The following COL25A1 variants were observed in gnomAD, a reference collection of about 807,000 sequenced individuals.
The protein encoded by COL25A1 is collagen type XXV alpha 1 chain, also known as collagen alpha-1(XXV) chain.
Under a neutral mutation model 128.4 loss-of-function variants are expected in COL25A1, and 103 were observed. The observed-to-expected ratio is 0.80, with a 90% CI of 0.68 to 0.94. The LOEUF is 0.94. Ranked by LOEUF, COL25A1 falls within the 40% of genes least tolerant of loss-of-function variation. The pLI is 0.00. For synonymous variants in COL25A1, 279 were observed against 277.2 expected, an observed-to-expected ratio of 1.01 and a Z score of -0.06; for missense variants, 745 against 840.0, an observed-to-expected ratio of 0.89 and a Z score of 1.40.
chr4:108,863,833 T>C (rs1469710541), intron 20 of COL25A1, among the ~76,000 whole-genome samples: 1 of 152,218 alleles, frequency 6.6e-6, no homozygotes, highest in Non-Finnish European at 1.5e-5. Flanking sequence ...CCAGGTTCTC[T>C]GGCCTTTGGA....
At chr4:108,886,108 A>C (rs533741192) in intron 18 of COL25A1, among the ~76,000 whole-genome samples, 1 of 151,822 alleles carries the variant, frequency 6.6e-6, no homozygotes, top group South Asian at 2.1e-4. Context: ...ATGTGTGTTA[A>C]GTAATAAATG....
intron 8 of COL25A1, among the ~76,000 whole-genome samples, chr4:108,951,871 G>A (rs1358225543): frequency 6.6e-6 from 1 of 152,150 alleles, no homozygotes; most frequent in African/African-American, 2.4e-5. Flanking sequence ...CCCTAAGGGT[G>A]TCAGACAATA....
intron 5 of COL25A1, among the ~76,000 whole-genome samples, chr4:109,042,274 T>A (rs918770303): frequency 6.6e-6 from 1 of 152,054 alleles, no homozygotes; most frequent in Non-Finnish European, 1.5e-5. Flanking sequence ...ACAGAAGACA[T>A]GAAAAGACAC....
intron 3 of COL25A1, among the ~76,000 whole-genome samples, chr4:109,289,682 C>A (rs566559037): frequency 6.6e-6 from 1 of 152,164 alleles, no homozygotes; most frequent in South Asian, 2.1e-4. Context: ...GGGTTCTATC[C>A]ATGCTAGAGA....
intron 3 of COL25A1, among the ~76,000 whole-genome samples, chr4:109,244,490 G>T (rs1780128614): frequency 6.6e-6 from 1 of 152,084 alleles, no homozygotes; most frequent in Non-Finnish European, 1.5e-5. Flanking sequence ...TGAATAAAAA[G>T]GAGTTGAAGC....
At chr4:109,268,105 T>G (rs551733562) in intron 3 of COL25A1, among the ~76,000 whole-genome samples, 45 of 152,308 alleles carry the variant, frequency 3.0e-4, no homozygotes, top group African/African-American at 1.0e-3. Flanking sequence ...TTTGAACATG[T>G]TAAAATGAGG....
chr4:108,897,908 A>G (rs1578696509), intron 15 of COL25A1, among the ~76,000 whole-genome samples: 1 of 152,144 alleles, frequency 6.6e-6, no homozygotes, highest in East Asian at 1.9e-4. Flanking sequence ...AGGCCACAAG[A>G]GCCTGGGACA....
At position 109,047,728 on chromosome 4, in the gene COL25A1, C is replaced by CT. The variant is rs59105153; in HGVS notation, c.420+439dup. The stretch of plus-strand genomic sequence containing the variant: ...TAATTTTCCAAACTTTAAGTATACT[C>CT]TTTTTTTTTTTTTTTTTTTTTTTAG... On this transcript the variant is annotated intron_variant, in intron 5 of 37. Coordinates refer to ENST00000399132, the MANE Select transcript of COL25A1 (RefSeq NM_198721.4). Among the ~76,000 whole-genome samples, 888 of 132,086 alleles carry CT rather than the reference C, an allele frequency of 6.7e-3. 18 individuals are homozygous for CT. Among genetic ancestry groups the CT allele is most frequent in the Non-Finnish European group, 9.7e-3 (593 of 61,378 alleles). The allele number at this position is 132,086 out of a possible 152,430, so 86.7% of individuals were successfully genotyped here.
Position 109,129,897 on chromosome 4 carries a change from T to C in COL25A1, c.368-79718A>G, listed in dbSNP as rs1286058473. Reference sequence around the variant, plus strand: ...TAAAAGAATTGGGAGATATACCTAATGCTAGATGACGAGTTAGTGGGTGCA... The same window carrying C: ...TAAAAGAATTGGGAGATATACCTAACGCTAGATGACGAGTTAGTGGGTGCA... On this transcript the variant is annotated intron_variant, in intron 3 of 37. Transcript: ENST00000399132. Among the ~76,000 whole-genome samples the C allele has an allele frequency of 2.0e-5, 3 of 152,078 alleles. No homozygotes were observed. In the East Asian group the frequency reaches 5.8e-4, roughly 29 times the overall value.
chr4:109,074,053 G>A (rs1359495133), intron 3 of COL25A1, among the ~76,000 whole-genome samples: 4 of 152,130 alleles, frequency 2.6e-5, no homozygotes, highest in East Asian at 1.9e-4. Flanking sequence ...TGTGGTTTTC[G>A]GATCAAACTG....
chr4:108,953,559 GT>G (rs1372083450), intron 8 of COL25A1, among the ~76,000 whole-genome samples: 3 of 152,204 alleles, frequency 2.0e-5, no homozygotes, highest in Non-Finnish European at 4.4e-5. Context: ...ACAAAAGGAA[GT>G]GGGGAGACTT....
At chr4:109,228,084 CAG>C (rs1292777893) in intron 3 of COL25A1, among the ~76,000 whole-genome samples, 1 of 152,154 alleles carries the variant, frequency 6.6e-6, no homozygotes, top group East Asian at 1.9e-4. Flanking sequence ...TCTCAGCTCT[CAG>C]AGAGACCAAT....
At chr4:109,050,837 T>C (rs1760914089) in intron 3 of COL25A1, among the ~76,000 whole-genome samples, 2 of 152,122 alleles carry the variant, frequency 1.3e-5, no homozygotes, top group African/African-American at 4.8e-5. Context: ...CAATAAATAG[T>C]TAGCCTTTAT....
At chr4:109,056,069 T>A (rs1285675435) in intron 3 of COL25A1, among the ~76,000 whole-genome samples, 1 of 152,192 alleles carries the variant, frequency 6.6e-6, no homozygotes, top group African/African-American at 2.4e-5. Flanking sequence ...AATTTCAGCT[T>A]ACAATAGCCA....
At chr4:108,873,525 G>GTAGTAGTAT (rs751118855) in intron 19 of COL25A1, among the ~76,000 whole-genome samples, 8 of 15,356 alleles carry the variant, frequency 5.2e-4, no homozygotes, top group Non-Finnish European at 2.0e-4. Context: ...TAGCTGTCTA[G>GTAGTAGTAT]TAGTAGTAGT....
At chr4:108,976,785 C>G (rs1223773799) in intron 6 of COL25A1, among the ~76,000 whole-genome samples, 1 of 152,200 alleles carries the variant, frequency 6.6e-6, no homozygotes, top group Non-Finnish European at 1.5e-5. Context: ...CACCAAATTC[C>G]CATTCTCAGT....
intron 34 of COL25A1, 46 bp from the exon 35 acceptor site, chr4:108,824,273 G>A: frequency 7.7e-7 from 1 of 1,307,084 alleles, no homozygotes; most frequent in Non-Finnish European, 1.1e-6. Context: ...GTGTAATAGT[G>A]GCAAAATCAT....
At chr4:108,961,447 G>T (rs1750665110) in intron 8 of COL25A1, among the ~76,000 whole-genome samples, 1 of 152,166 alleles carries the variant, frequency 6.6e-6, no homozygotes, top group African/African-American at 2.4e-5. Flanking sequence ...CATAAATCTT[G>T]CAAAAGGCAA....
chr4:109,235,157 C>A (rs1219302462), intron 3 of COL25A1, among the ~76,000 whole-genome samples: 2 of 151,942 alleles, frequency 1.3e-5, no homozygotes, highest in African/African-American at 4.8e-5. Context: ...AAATTTTTGA[C>A]CCCACTCAGA....
Sources: gnomAD v4.1 joint callset for allele counts (sites outside exome capture counted in the v4.1 genomes callset) on GRCh38, gnomAD v4.1.1 for gene constraint, MANE v1.5 for transcripts, NCBI Gene and HGNC (gene_info 2026-07-23, HGNC 2026-07-21) for gene names.